Variants in TMED10 observed in about 807,000 individuals in gnomAD.
The protein encoded by TMED10 is transmembrane emp24 domain-containing protein 10.
TMED10 carries 7 observed loss-of-function variants against 23.1 expected under a neutral mutation model. That is an observed-to-expected ratio of 0.30 (90% CI 0.17 to 0.57). TMED10 has a LOEUF of 0.57. Among genes scored for constraint, TMED10 ranks in the 20% least tolerant of loss-of-function variants. The pLI is 0.91. For missense variants in TMED10, 162 were observed against 274.8 expected, an observed-to-expected ratio of 0.59 and a Z score of 2.90; for synonymous variants, 113 against 106.9, an observed-to-expected ratio of 1.06 and a Z score of -0.35.
chr14:75,171,937 T>G (rs1896239230), intron 1 of TMED10, among the ~76,000 whole-genome samples: 2 of 152,130 alleles, frequency 1.3e-5, no homozygotes, highest in South Asian at 4.1e-4. Flanking sequence ...ATCTTTTTTT[T>G]TTTTTTTACA....
rs770560222 is a variant in TMED10, at chr14:75,152,179, TAACACTCAGG to T, written c.226-46_226-37del. ...AAAAGTAGTAAGAATAGGCAGCAAA[TAACACTCAGG>T]AAGAGAACTTACAGAAACTGGGAAG... On this transcript the variant is annotated intron_variant, in intron 1 of 4. Coordinates refer to ENST00000303575, the MANE Select transcript of TMED10 (RefSeq NM_006827.6). 6.5e-6 allele frequency: 10 copies of T among 1,541,022 alleles called. No homozygotes were observed. The South Asian group carries it at 1.0e-4, about 16-fold the overall frequency.
rs1037904927 is a variant in TMED10 at position 75,133,322 on chromosome 14, T to C, written c.*1563A>G. On this transcript the variant is annotated 3_prime_UTR_variant, in exon 5 of 5. Transcript: ENST00000303575. The stretch of plus-strand genomic sequence containing the variant: ...AAGAACAAATGACCTAAATAGAAAA[T>C]AGACAAAAGACATGAAGACATTTCA... 6.6e-6 allele frequency: 1 copy of C among 151,780 alleles called. No homozygotes were observed. Among genetic ancestry groups the C allele is most frequent in the Non-Finnish European group, 1.5e-5 (1 of 67,918 alleles). The allele number at this position is 151,780 out of a possible 1,614,324, so 9.4% of individuals were successfully genotyped here.
Position 75,137,425 on chromosome 14 carries a change from C to T in TMED10, c.412-1539G>A, listed in dbSNP as rs1266309054. On this transcript the variant is annotated intron_variant, in intron 3 of 4. Coordinates refer to ENST00000303575, the MANE Select transcript of TMED10 (RefSeq NM_006827.6). ...TGGTGGCTCACACCTGTAATCCCAG[C>T]ACTTTGGGAGGCCGAGGTGGGTGGA... Among the ~76,000 whole-genome samples the T allele has an allele frequency of 3.4e-5, 5 of 147,850 alleles. 1 individual carries two copies. The South Asian group carries it at 8.8e-4, about 26-fold the overall frequency.
At chr14:75,140,985 A>G (rs1299397094) in intron 3 of TMED10, among the ~76,000 whole-genome samples, 3 of 152,064 alleles carry the variant, frequency 2.0e-5, no homozygotes, top group Non-Finnish European at 4.4e-5. Context: ...AAGTTTCTTG[A>G]TTTTTTTTAA....
At chr14:75,172,984 C>T (rs1896253577) in intron 1 of TMED10, among the ~76,000 whole-genome samples, 1 of 152,170 alleles carries the variant, frequency 6.6e-6, no homozygotes, top group African/African-American at 2.4e-5. Context: ...ATCCATGGCC[C>T]TCGGGTGGGC....
At chr14:75,160,476 G>A (rs1896072544) in intron 1 of TMED10, among the ~76,000 whole-genome samples, 1 of 151,956 alleles carries the variant, frequency 6.6e-6, no homozygotes, top group African/African-American at 2.4e-5. Flanking sequence ...CTCAAGAAGT[G>A]AGAGGTTTTT....
In TMED10 at chr14:75,176,277, C is replaced by G. The variant is rs551841243; in HGVS notation, c.225+78G>C. 36 of 1,564,062 alleles carry G rather than the reference C, an allele frequency of 2.3e-5. No individual in the cohort carries two copies. The Admixed American group carries it at 5.1e-4, about 22-fold the overall frequency. On this transcript the variant is annotated intron_variant, in intron 1 of 4. Coordinates refer to ENST00000303575, the MANE Select transcript of TMED10 (RefSeq NM_006827.6). Reference sequence around the variant, plus strand: ...AACAACTCCCAGGCCTCCGCCGGCCCGACTCCCCCGAACCCGAGCCTCCCC... The same window carrying G: ...AACAACTCCCAGGCCTCCGCCGGCCGGACTCCCCCGAACCCGAGCCTCCCC...
intron 3 of TMED10, among the ~76,000 whole-genome samples, chr14:75,143,487 T>C (rs1180329112): frequency 2.6e-4 from 39 of 152,214 alleles, no homozygotes. Context: ...ATTCTTTTCC[T>C]TGGTGGAGCA....
chr14:75,162,626 C>T (rs965786587), intron 1 of TMED10, among the ~76,000 whole-genome samples: 5 of 152,032 alleles, frequency 3.3e-5, no homozygotes, highest in African/African-American at 1.2e-4. Context: ...AAGAGTTACT[C>T]TGTAGTGGAC....
intron 2 of TMED10, among the ~76,000 whole-genome samples, chr14:75,150,146 A>C (rs181035947): frequency 6.6e-6 from 1 of 152,290 alleles, no homozygotes; most frequent in East Asian, 1.9e-4. Context: ...GGAAAGATTA[A>C]CTCGAAAGCA....
chr14:75,165,989 G>C (rs995463708), intron 1 of TMED10, among the ~76,000 whole-genome samples: 1 of 151,458 alleles, frequency 6.6e-6, no homozygotes, highest in Non-Finnish European at 1.5e-5. Context: ...GGGAGGAGTG[G>C]GGGGGTAAGA....
chr14:75,153,586 A>G (rs1281295635), intron 1 of TMED10, among the ~76,000 whole-genome samples: 1 of 152,236 alleles, frequency 6.6e-6, no homozygotes, highest in Admixed American at 6.5e-5. Flanking sequence ...GCTACTTTGC[A>G]ATGTGGAACA....
intron 1 of TMED10, among the ~76,000 whole-genome samples, chr14:75,159,282 C>T (rs1896058451): frequency 6.6e-6 from 1 of 152,174 alleles, no homozygotes; most frequent in African/African-American, 2.4e-5. Flanking sequence ...TCCAGATTTG[C>T]TCATTGCATT....
At chr14:75,164,575 A>ATTTTT (rs1261635916) in intron 1 of TMED10, among the ~76,000 whole-genome samples, 1 of 29,740 alleles carries the variant, frequency 3.4e-5, no homozygotes, top group Non-Finnish European at 5.4e-5. Flanking sequence ...ATATATATAT[A>ATTTTT]TATTTTTTTT....
rs1335897707 is a variant in TMED10 at position 75,153,325 on chromosome 14, AAGGT to A, written c.226-1186_226-1183del. ...GAGAGAAATTTATCCTAAAAAAAAA[AAGGT>A]ATCTTTGGCTTCCATAAATGATTAT... On this transcript the variant is annotated intron_variant, in intron 1 of 4. Coordinates refer to ENST00000303575, the MANE Select transcript of TMED10 (RefSeq NM_006827.6). 1.4e-4 allele frequency among the ~76,000 whole-genome samples: 21 copies of A among 152,246 alleles called. No homozygotes were observed. The East Asian group carries it at 3.7e-3, about 27-fold the overall frequency.
intron 1 of TMED10, among the ~76,000 whole-genome samples, chr14:75,167,541 T>A (rs1009952109): frequency 1.3e-5 from 2 of 151,952 alleles, no homozygotes; most frequent in Non-Finnish European, 2.9e-5. Flanking sequence ...AAAGAAGTTA[T>A]AAGCCAATAG....
At chr14:75,170,466 T>C (rs1566676647) in intron 1 of TMED10, among the ~76,000 whole-genome samples, 1 of 152,110 alleles carries the variant, frequency 6.6e-6, no homozygotes, top group Non-Finnish European at 1.5e-5. Flanking sequence ...CCTAGAACAC[T>C]TTGTTGTGCC....
At chr14:75,156,688 GT>G (rs1050744578) in intron 1 of TMED10, among the ~76,000 whole-genome samples, 12 of 152,118 alleles carry the variant, frequency 7.9e-5, no homozygotes, top group Non-Finnish European at 1.6e-4. Flanking sequence ...GCTCACACCT[GT>G]AATCCCAGCA....
chr14:75,164,565 ATATATATATATATTTTT>A (rs1224582308), intron 1 of TMED10, among the ~76,000 whole-genome samples: 122 of 2,278 alleles, frequency 0.054, no homozygotes, highest in South Asian at 0.081. Context: ...ATATATATAT[ATATATATATATATTTTT>A]TTTTTTTTTT....
Sources: allele counts gnomAD v4.1 joint callset (sites outside exome capture counted in the v4.1 genomes callset), GRCh38; gene constraint gnomAD v4.1.1; transcripts MANE v1.5; gene names NCBI Gene and HGNC (gene_info 2026-07-23, HGNC 2026-07-21).